The following PSMG1 variants were observed in gnomAD, a reference collection of about 807,000 sequenced individuals.
PSMG1 encodes proteasome assembly chaperone 1.
A neutral mutation model predicts 37.2 loss-of-function variants in PSMG1; 23 were observed. That is an observed-to-expected ratio of 0.62 (90% CI 0.44 to 0.88). PSMG1 has a LOEUF of 0.88. PSMG1 is among the 40% of genes least tolerant of loss of function. PSMG1 has a pLI of 0.00. For synonymous variants in PSMG1, 127 were observed against 128.0 expected, an observed-to-expected ratio of 0.99 and a Z score of 0.05; for missense variants, 340 against 344.2, an observed-to-expected ratio of 0.99 and a Z score of 0.10.
chr21:39,177,055 GTAAA>G (rs1444930839), intron 6 of PSMG1, among the ~76,000 whole-genome samples: 1 of 151,890 alleles, frequency 6.6e-6, no homozygotes, highest in Non-Finnish European at 1.5e-5. Flanking sequence ...GTAAAATTGG[GTAAA>G]TAAATATTAT....
In PSMG1 at chr21:39,183,280, C is replaced by T. The variant is rs2030943352; in HGVS notation, c.106G>A (p.Glu36Lys). Residue 36 changes from glutamate to lysine, a missense_variant, in exon 1 of 7, where the codon GAG (glutamate) becomes AAG (lysine). By Grantham distance (56) the Glu-to-Lys change is moderately conservative. Transcript: ENST00000331573. The part of the protein sequence containing the change: ...EGRRETPEDR[E>K]VRLQLARKRE... ...TTCCGCGCCAGCTGCAGACGCACCT[C>T]CCTGTCCTCGGGCGTCTCCCTCCGC... 6 of 1,591,150 alleles carry T rather than the reference C, an allele frequency of 3.8e-6. No homozygotes were observed. In the East Asian group the frequency reaches 9.3e-5, roughly 25 times the overall value.
chr21:39,178,728 A>C (rs2030717071), intron 4 of PSMG1, 81 bp from the exon 5 acceptor site: 3 of 1,263,728 alleles, frequency 2.4e-6, no homozygotes, highest in Non-Finnish European at 2.2e-6. Flanking sequence ...TATTCACCTA[A>C]CACCACAGAC....
At chr21:39,182,128 C>G (rs1017669400) in intron 1 of PSMG1, among the ~76,000 whole-genome samples, 1 of 152,204 alleles carries the variant, frequency 6.6e-6, no homozygotes, top group Non-Finnish European at 1.5e-5. Context: ...ATCTTAGCAT[C>G]CCTAAAAGTG....
Position 39,177,546 on chromosome 21 carries a change from T to C in PSMG1, c.681A>G (p.Lys227=). The C allele has an allele frequency of 6.3e-7, 1 of 1,590,034 alleles. No homozygotes were observed. The highest frequency in any genetic ancestry group is 8.6e-7 in the Non-Finnish European group (1 of 1,169,262). The stretch of plus-strand genomic sequence containing the variant: ...AACACAAGTACAGAATTGCTGGGAT[T>C]TTCCATACTTGACAGTAGCTTAGAA... The part of the protein sequence containing the change: ...AAVLSYCQVW[K]IPAILYLCYT... The change falls in exon 6 of 7, where the codon AAA becomes AAG. Residue 227 remains lysine (K), a synonymous_variant. Coordinates refer to ENST00000331573, the MANE Select transcript of PSMG1 (RefSeq NM_003720.4).
chr21:39,180,406 C>T lies in PSMG1; in HGVS notation c.272G>A (p.Gly91Glu), dbSNP rs370832635. Residue 91 changes from glycine (G) to glutamate (E), a missense_variant, in exon 3 of 7, where the codon GGA (glycine) becomes GAA (glutamate). Transcript: ENST00000331573. ...AGCACAACCAACTTCCTCCCAGACT[C>T]CTGAATTCATAACAAATGATGACAG... is the stretch of plus-strand genomic sequence containing the variant. ...AFLSSFVMNS[G>E]VWEEVGCAKL... The T allele has an allele frequency of 2.6e-5, 41 of 1,601,846 alleles. No homozygotes were observed. Among genetic ancestry groups the T allele is most frequent in the Non-Finnish European group, 3.4e-5 (40 of 1,175,284 alleles).
chr21:39,176,471 T>C (rs567233770), intron 6 of PSMG1, among the ~76,000 whole-genome samples: 3 of 152,352 alleles, frequency 2.0e-5, no homozygotes, highest in Non-Finnish European at 4.4e-5. Flanking sequence ...AACAAGACGA[T>C]CAGCATATAC....
chr21:39,180,554 G>A (rs572599811), intron 2 of PSMG1, 118 bp from the exon 3 acceptor site: 30 of 1,026,936 alleles, frequency 2.9e-5, no homozygotes, highest in African/African-American at 1.3e-4. Context: ...ATTCAAGACC[G>A]TCTACCTAAT....
chr21:39,181,928 T>A (rs1220290279), intron 1 of PSMG1, 50 bp from the exon 2 acceptor site: 1 of 1,315,374 alleles, frequency 7.6e-7, no homozygotes, highest in Non-Finnish European at 1.0e-6. Context: ...ATAAACAGTA[T>A]CATGGCAAAA....
At chr21:39,183,431 GCACGCCGGCTTGCGCGAGACCA>G (rs1287262553) in exon 1 of PSMG1, 2 of 1,527,570 alleles carry the variant, frequency 1.3e-6, no homozygotes, top group East Asian at 2.6e-5. Flanking sequence ...CCGCGGGACC[GCACGCCGGCTTGCGCGAGACCA>G]CGCTCCCTCA....
At chr21:39,183,006 G>C (rs2030918008) in intron 1 of PSMG1, 1 of 458,680 alleles carries the variant, frequency 2.2e-6, no homozygotes, top group Non-Finnish European at 3.8e-6. Context: ...CCCTCCCACA[G>C]CGGCTTCACC....
intron 6 of PSMG1, among the ~76,000 whole-genome samples, chr21:39,176,310 G>A (rs2030623938): frequency 6.6e-6 from 1 of 152,206 alleles, no homozygotes; most frequent in Admixed American, 6.5e-5. Flanking sequence ...CCATATGACA[G>A]ATGATTTCCA....
intron 1 of PSMG1, 33 bp downstream of exon 1, chr21:39,183,219 G>T (rs373793101): frequency 9.3e-5 from 143 of 1,537,896 alleles, no homozygotes; most frequent in Middle Eastern, 5.1e-4. Flanking sequence ...TTCCAGCTGC[G>T]GTGAGCGCGC....
At chr21:39,177,401 T>C (rs749601217) in intron 6 of PSMG1, 34 bp downstream of exon 6, 5 of 1,525,460 alleles carry the variant, frequency 3.3e-6, no homozygotes, top group Non-Finnish European at 4.4e-6. Context: ...ATTATAACAA[T>C]GCAGCTATTA....
intron 5 of PSMG1, among the ~76,000 whole-genome samples, chr21:39,177,778 A>C (rs917949161): frequency 6.6e-6 from 1 of 152,204 alleles, no homozygotes; most frequent in Non-Finnish European, 1.5e-5. Context: ...TTCTTTTGCA[A>C]ATATTAATTT....
At chr21:39,179,469 ATTT>A (rs534698070) in intron 4 of PSMG1, among the ~76,000 whole-genome samples, 3 of 152,126 alleles carry the variant, frequency 2.0e-5, no homozygotes, top group Non-Finnish European at 4.4e-5. Context: ...CATGAAATTC[ATTT>A]TTGGAATTAC....
chr21:39,182,608 G>A (rs955711854), intron 1 of PSMG1, among the ~76,000 whole-genome samples: 1 of 152,156 alleles, frequency 6.6e-6, no homozygotes, highest in African/African-American at 2.4e-5. Flanking sequence ...GAGGTGAAAG[G>A]CCATGATGAC....
Position 39,175,607 on chromosome 21 carries a change from T to G in PSMG1, c.850A>C (p.Ser284Arg). Residue 284 changes from serine (S) to arginine (R), a missense_variant, in exon 7 of 7, where the codon AGT becomes CGT. Ser to Arg is a moderately radical substitution (Grantham distance 110). Coordinates refer to ENST00000331573, the MANE Select transcript of PSMG1 (RefSeq NM_003720.4). ...GTTTAAGATCATGTATAAATGTTAC[T>G]CTGAATCTCATTTGTTGTCATCAAT... ...KKLMTTNEIQ[S>R]NIYT The G allele has an allele frequency of 6.3e-7, 1 of 1,593,680 alleles. No individual in the cohort carries two copies. Among genetic ancestry groups the G allele is most frequent in the African/African-American group, 1.3e-5 (1 of 74,538 alleles).
rs754433629 is a variant in PSMG1 at position 39,183,401 on chromosome 21, G to A, written c.-16C>T. ...TGGCCGCCATAGCCGCCCCGTGACC[G>A]GCTGGACACAACTGCAGCGCCGCGG... is the stretch of plus-strand genomic sequence containing the variant. On this transcript the variant is annotated 5_prime_UTR_variant, in exon 1 of 7. Transcript: ENST00000331573. 1 of 1,573,988 alleles carries A rather than the reference G, an allele frequency of 6.4e-7. No homozygotes were observed. The highest frequency in any genetic ancestry group is 1.2e-5 in the South Asian group (1 of 86,466).
intron 6 of PSMG1, among the ~76,000 whole-genome samples, chr21:39,176,972 A>C (rs6517520): frequency 0.92 from 140,578 of 152,250 alleles, 65,302 homozygotes; most frequent in African/African-American, 0.97. Context: ...AGAAAATGAG[A>C]CCAAAGGTAT....
Sources: allele counts gnomAD v4.1 joint callset (sites outside exome capture counted in the v4.1 genomes callset), GRCh38; gene constraint gnomAD v4.1.1; transcripts MANE v1.5; gene names NCBI Gene and HGNC (gene_info 2026-07-23, HGNC 2026-07-21).